The following TNK2 variants were observed in gnomAD, a reference collection of about 807,000 sequenced individuals.
TNK2 encodes tyrosine kinase non receptor 2.
In TNK2, 83 loss-of-function variants were observed where a neutral mutation model predicts 101.8. That is an observed-to-expected ratio of 0.82 (90% CI 0.68 to 0.98). The LOEUF (loss-of-function observed/expected upper bound fraction) is 0.98, where lower values mean the gene tolerates loss of function less well. TNK2 is among the 50% of genes least tolerant of loss of function. TNK2 has a pLI of 0.00. For missense variants in TNK2, 1,665 were observed against 1,483.2 expected (o/e 1.12, Z -2.01); for synonymous variants, 804 against 633.0 (o/e 1.27, Z -4.06).
rs1444636208 is a variant in TNK2, at chr3:195,868,723, G to A, written c.1589-14C>T. 6.5e-7 allele frequency: 1 copy of A among 1,537,822 alleles called. No individual in the cohort carries two copies. The highest frequency in any genetic ancestry group is 1.4e-5 in the African/African-American group (1 of 70,364). The stretch of plus-strand genomic sequence containing the variant: ...CATAGGTTGGTTCTGTGATGGAAAG[G>A]GAGAGCCCAACAGGAAGGCAGTCAG... On this transcript the variant is annotated splice_polypyrimidine_tract_variant and intron_variant, in intron 12 of 15. Transcript: ENST00000672887.
chr3:195,869,812 A>G lies in TNK2; in HGVS notation c.1544-271T>C, dbSNP rs1358927933. ...GGGTGGTTTTGGCTTGGGACAGGAG[A>G]GCAGGATTAGGGGGAAGTGAGGAAA... is the stretch of plus-strand genomic sequence containing the variant. On this transcript the variant is annotated intron_variant, in intron 11 of 15. Transcript: ENST00000672887. 6.9e-6 allele frequency: 4 copies of G among 580,922 alleles called. No individual in the cohort carries two copies. The Admixed American group carries it at 9.1e-5, about 13-fold the overall frequency. The allele number at this position is 580,922 out of a possible 1,614,324, so 36.0% of individuals were successfully genotyped here.
intron 10 of TNK2, 99 bp from the exon 11 acceptor site, chr3:195,870,304 G>T: frequency 2.6e-6 from 4 of 1,554,594 alleles, no homozygotes; most frequent in Non-Finnish European, 3.5e-6. Flanking sequence ...ACCGGGTGTA[G>T]TCTTGGGTCT....
chr3:195,890,453 GGT>G (rs1491388149), intron 1 of TNK2, among the ~76,000 whole-genome samples: 116 of 134,614 alleles, frequency 8.6e-4, no homozygotes, highest in Non-Finnish European at 1.4e-3. Flanking sequence ...ATAGTTTTTT[GGT>G]TTTTTTTTTT....
At chr3:195,891,417 A>C (rs1758379861) in intron 1 of TNK2, among the ~76,000 whole-genome samples, 1 of 152,276 alleles carries the variant, frequency 6.6e-6, no homozygotes, top group Non-Finnish European at 1.5e-5. Context: ...AAAATAAAAT[A>C]AAATCTAACA....
chr3:195,876,573 T>C, intron 9 of TNK2: 1 of 456,278 alleles, frequency 2.2e-6, no homozygotes, highest in Non-Finnish European at 4.4e-6. Flanking sequence ...CTCCCAAGCC[T>C]CACCGGCTGT....
In TNK2 at chr3:195,878,733, G is replaced by GGCCCTC; in HGVS notation, c.1015-147_1015-142dup. The GGCCCTC allele has an allele frequency of 7.6e-7, 1 of 1,309,960 alleles. No homozygotes were observed. Among genetic ancestry groups the GGCCCTC allele is most frequent in the Non-Finnish European group, 1.0e-6 (1 of 970,100 alleles). 81.1% of individuals were successfully genotyped at this position (1,309,960 alleles called of 1,614,324 possible). On this transcript the variant is annotated intron_variant, in intron 7 of 15. Transcript: ENST00000672887. This position sits in a 1 kb window ranked among gnomAD's most constrained non-coding sequence, Gnocchi z 4.7. Reference sequence around the variant, plus strand: ...AGAAGGGATCTGCCTGCCTGGGAGGGGCCCTCTCCAGAGCCCCAGTCCCTT... The same window carrying GGCCCTC: ...AGAAGGGATCTGCCTGCCTGGGAGGGGCCCTCGCCCTCTCCAGAGCCCCAGTCCCTT...
rs746926125 is a variant in TNK2, at chr3:195,886,997, G to A, written c.214C>T (p.Arg72Cys). 1.1e-5 allele frequency: 17 copies of A among 1,613,986 alleles called. No individual in the cohort carries two copies. The highest frequency in any genetic ancestry group is 1.6e-4 in the Middle Eastern group (1 of 6,084). Residue 72 changes from arginine (R) to cysteine (C), a missense_variant, in exon 3 of 16, where the codon CGC (arginine) becomes TGC (cysteine). Coordinates refer to ENST00000672887, the MANE Select transcript of TNK2 (RefSeq NM_001382273.1). This position sits in a 1 kb window ranked among gnomAD's most constrained non-coding sequence, Gnocchi z 4.2. ...CCCACCTTACTCATCCACGACTTGC[G>A]TTTGCACAAGGCCTTCCTCCTCTTC... The part of the protein sequence containing the change: ...AVKRRKALCK[R>C]KSWMSKVFSG...
At position 195,901,978 on chromosome 3, in the gene TNK2, CAG is replaced by C. The variant is rs1761253358; in HGVS notation, c.-19+6505_-19+6506del. Among the ~76,000 whole-genome samples the C allele has an allele frequency of 2.0e-5, 3 of 152,296 alleles. No homozygotes were observed. In the South Asian group the frequency reaches 6.2e-4, roughly 32 times the overall value. On this transcript the variant is annotated intron_variant, in intron 1 of 15. Coordinates refer to ENST00000672887, the MANE Select transcript of TNK2 (RefSeq NM_001382273.1). Reference sequence around the variant, plus strand: ...TCTGTGAGGAAGTCTGAAGAAGGGACAGGGGTTCCAGGAAAAAACAGTAGATT... The same window carrying C: ...TCTGTGAGGAAGTCTGAAGAAGGGACGGGTTCCAGGAAAAAACAGTAGATT...
intron 1 of TNK2, among the ~76,000 whole-genome samples, chr3:195,893,104 C>T (rs986132803): frequency 7.9e-5 from 12 of 151,902 alleles, no homozygotes; most frequent in Admixed American, 1.3e-4. Context: ...TGTGTGGGGA[C>T]GTGGGGACTA....
intron 6 of TNK2, among the ~76,000 whole-genome samples, chr3:195,880,840 T>G (rs1199162516): frequency 3.9e-5 from 1 of 25,618 alleles, no homozygotes; most frequent in Non-Finnish European, 6.8e-5. Flanking sequence ...CAATGCCCCT[T>G]GGAGAGGACA....
At chr3:195,902,617 CA>C (rs776140268) in intron 1 of TNK2, among the ~76,000 whole-genome samples, 2,510 of 43,006 alleles carry the variant, frequency 0.058, 65 homozygotes, top group African/African-American at 0.2. Flanking sequence ...GACTCCGTCT[CA>C]AAAAAAAAAA....
At chr3:195,876,664 T>A (rs1197339203) in intron 9 of TNK2, 1 of 455,236 alleles carries the variant, frequency 2.2e-6, no homozygotes, top group African/African-American at 2.0e-5. Context: ...AAGCCAGGGC[T>A]GGTGGCCCAG....
chr3:195,872,511 G>A (rs761167149), intron 9 of TNK2, 41 bp from the exon 10 acceptor site: 2 of 1,542,712 alleles, frequency 1.3e-6, no homozygotes, highest in Non-Finnish European at 1.8e-6. Context: ...AGGCGTGGCG[G>A]GGCAGCCCCG....
chr3:195,882,470 T>C lies in TNK2; in HGVS notation c.610-142A>G. The C allele has an allele frequency of 6.5e-7, 1 of 1,546,498 alleles. No individual in the cohort carries two copies. Among genetic ancestry groups the C allele is most frequent in the Non-Finnish European group, 8.7e-7 (1 of 1,147,652 alleles). On this transcript the variant is annotated intron_variant, in intron 5 of 15. Coordinates refer to ENST00000672887, the MANE Select transcript of TNK2 (RefSeq NM_001382273.1). This position sits in a 1 kb window ranked among gnomAD's most constrained non-coding sequence, Gnocchi z 4.2. ...CTTCCTGGCCTGCTGTCTGGGGACC[T>C]CTAGGAGTCCTGCAGTTTCTCAGGC...
At position 195,888,616 on chromosome 3, in the gene TNK2, G is replaced by A. The variant is rs749793557; in HGVS notation, c.-18-10C>T. On this transcript the variant is annotated splice_polypyrimidine_tract_variant and intron_variant, in intron 1 of 15. Coordinates refer to ENST00000672887, the MANE Select transcript of TNK2 (RefSeq NM_001382273.1). The surrounding 1 kb of genome is among the most constrained non-coding windows in gnomAD (Gnocchi z 5.3). ...TGCCGCCTCCCAGCCTCTGTGGGGG[G>A]AGGAGTGGCTCAGGGACAAGGGTTG... 4.4e-6 allele frequency: 7 copies of A among 1,603,098 alleles called. No individual in the cohort carries two copies. In the African/African-American group the frequency reaches 5.4e-5, roughly 12 times the overall value.
chr3:195,869,333 G>C (rs534149939), intron 12 of TNK2, 164 bp downstream of exon 12: 4 of 744,720 alleles, frequency 5.4e-6, no homozygotes, highest in East Asian at 5.4e-5. Flanking sequence ...GGGCGGGCTC[G>C]AGGGGGGGCA....
chr3:195,873,331 C>T (rs952304320), intron 9 of TNK2, among the ~76,000 whole-genome samples: 15 of 152,250 alleles, frequency 9.9e-5, no homozygotes, highest in Non-Finnish European at 1.9e-4. Context: ...GCAAGACACT[C>T]CTGACTCCCG....
chr3:195,876,792 G>T, intron 9 of TNK2: 1 of 361,688 alleles, frequency 2.8e-6, no homozygotes, highest in South Asian at 2.0e-5. Flanking sequence ...CCCAGGAGCA[G>T]CCGCTCCCGG....
intron 1 of TNK2, among the ~76,000 whole-genome samples, chr3:195,907,754 C>G (rs1024589985): frequency 1.9e-4 from 29 of 152,332 alleles, no homozygotes; most frequent in African/African-American, 6.7e-4. Flanking sequence ...CCCATGATAC[C>G]ACAGCGGCCC....
Sources: allele counts gnomAD v4.1 joint callset (sites outside exome capture counted in the v4.1 genomes callset), GRCh38; gene constraint gnomAD v4.1.1; non-coding constraint Gnocchi (gnomAD v3.1); transcripts MANE v1.5; gene names NCBI Gene and HGNC (gene_info 2026-07-23, HGNC 2026-07-21).